The following PLXNA2 variants were observed in gnomAD, a reference collection of about 807,000 sequenced individuals.
PLXNA2 encodes plexin A2.
Under a neutral mutation model 193.5 loss-of-function variants are expected in PLXNA2, and 91 were observed. The ratio of observed to expected loss-of-function variants is 0.47; its 90% CI spans 0.40 to 0.56. PLXNA2 has a LOEUF of 0.56. PLXNA2 is among the 20% of genes least tolerant of loss of function. The pLI is 0.00. For synonymous variants in PLXNA2, 997 were observed against 1,027.3 expected (o/e 0.97, Z 0.56); for missense variants, 1,995 against 2,503.2 (o/e 0.80, Z 4.33).
intron 9 of PLXNA2, among the ~76,000 whole-genome samples, chr1:208,085,304 C>T (rs548362000): frequency 1.3e-5 from 2 of 152,326 alleles, no homozygotes; most frequent in Admixed American, 6.5e-5. Flanking sequence ...CCAATCTCCT[C>T]TTTCTCCTTC....
intron 3 of PLXNA2, among the ~76,000 whole-genome samples, chr1:208,157,389 C>T (rs1352597247): frequency 1.3e-5 from 2 of 152,186 alleles, no homozygotes; most frequent in Non-Finnish European, 2.9e-5. Flanking sequence ...GATATGAATA[C>T]ACACAAATAA....
chr1:208,194,297 C>A (rs1245803048), intron 3 of PLXNA2, among the ~76,000 whole-genome samples: 5 of 151,712 alleles, frequency 3.3e-5, no homozygotes, highest in Admixed American at 2.6e-4. Context: ...GGGAAAGGGC[C>A]GAATGAAAAT....
At chr1:208,092,314 C>A (rs1347884433) in intron 9 of PLXNA2, among the ~76,000 whole-genome samples, 1 of 152,172 alleles carries the variant, frequency 6.6e-6, no homozygotes, top group African/African-American at 2.4e-5. Flanking sequence ...AGGCCACCCA[C>A]CCAGTTATAC....
intron 12 of PLXNA2, among the ~76,000 whole-genome samples, 184 bp downstream of exon 12, chr1:208,079,076 A>G (rs906254245): frequency 1.3e-5 from 2 of 152,006 alleles, no homozygotes; most frequent in African/African-American, 4.8e-5. Context: ...GCTTCCATAC[A>G]CTTACCTCTT....
intron 3 of PLXNA2, among the ~76,000 whole-genome samples, chr1:208,187,930 T>G (rs1185372925): frequency 6.6e-6 from 1 of 152,190 alleles, no homozygotes; most frequent in Admixed American, 6.5e-5. Flanking sequence ...AAGGAGGAAC[T>G]GAAATGATCA....
chr1:208,187,356 G>T (rs1443122090), intron 3 of PLXNA2, among the ~76,000 whole-genome samples: 2 of 152,152 alleles, frequency 1.3e-5, no homozygotes, highest in Admixed American at 6.6e-5. Flanking sequence ...AGAGAAAGAT[G>T]GTTTTTGTTA....
intron 11 of PLXNA2, among the ~76,000 whole-genome samples, chr1:208,080,317 C>T (rs986425445): frequency 6.6e-6 from 1 of 152,046 alleles, no homozygotes; most frequent in Non-Finnish European, 1.5e-5. Flanking sequence ...TGTGCAAACC[C>T]TTTGTCTTTT....
chr1:208,183,331 C>T (rs1669901737), intron 3 of PLXNA2, among the ~76,000 whole-genome samples: 1 of 152,200 alleles, frequency 6.6e-6, no homozygotes, highest in South Asian at 2.1e-4. Flanking sequence ...CATTTCATTT[C>T]ACCCTCACTC....
intron 17 of PLXNA2, among the ~76,000 whole-genome samples, chr1:208,049,036 C>T (rs1665167090): frequency 6.6e-6 from 1 of 152,206 alleles, no homozygotes; most frequent in Non-Finnish European, 1.5e-5. Flanking sequence ...GCCCCAGAGC[C>T]TGCTAAAATG....
Position 208,025,077 on chromosome 1 carries a change from C to T in PLXNA2, c.*2166G>A, listed in dbSNP as rs924619636. The T allele has an allele frequency of 6.6e-6, 1 of 152,616 alleles. No homozygotes were observed. Among genetic ancestry groups the T allele is most frequent in the Non-Finnish European group, 1.5e-5 (1 of 68,034 alleles). The allele number at this position is 152,616 out of a possible 1,614,324, so 9.5% of individuals were successfully genotyped here. On this transcript the variant is annotated 3_prime_UTR_variant, in exon 32 of 32. Coordinates refer to ENST00000367033, the MANE Select transcript of PLXNA2 (RefSeq NM_025179.4). Reference sequence around the variant, plus strand: ...GAGAAACTTTAAAGAAGTGGATTTTCAAAAGAAAGTGGCCTTGGCATGGCT... The same window carrying T: ...GAGAAACTTTAAAGAAGTGGATTTTTAAAAGAAAGTGGCCTTGGCATGGCT...
rs1250764109 is a variant in PLXNA2 at position 208,024,633 on chromosome 1, T to C, written c.*2610A>G. ...CCAATTGGCCATTGCCCCATCATTC[T>C]CCACGCTCTCCACAAACCTTCAAGG... On this transcript the variant is annotated 3_prime_UTR_variant, in exon 32 of 32. Coordinates refer to ENST00000367033, the MANE Select transcript of PLXNA2 (RefSeq NM_025179.4). 1 of 152,328 alleles carries C rather than the reference T, an allele frequency of 6.6e-6. No homozygotes were observed. The highest frequency in any genetic ancestry group is 1.9e-4 in the East Asian group (1 of 5,192). 9.4% of individuals were successfully genotyped at this position (152,328 alleles called of 1,614,324 possible).
At chr1:208,144,565 A>C (rs1017251621) in intron 3 of PLXNA2, among the ~76,000 whole-genome samples, 4 of 152,144 alleles carry the variant, frequency 2.6e-5, no homozygotes, top group Admixed American at 6.5e-5. Flanking sequence ...TGAAAATGGT[A>C]GGTCAGGGTC....
At chr1:208,202,140 C>T (rs956050970) in intron 3 of PLXNA2, among the ~76,000 whole-genome samples, 1 of 151,864 alleles carries the variant, frequency 6.6e-6, no homozygotes, top group Non-Finnish European at 1.5e-5. Context: ...CCGCCATGCC[C>T]GGCTAATTTT....
At chr1:208,131,530 C>T (rs907981625) in intron 4 of PLXNA2, among the ~76,000 whole-genome samples, 2 of 152,144 alleles carry the variant, frequency 1.3e-5, no homozygotes, top group African/African-American at 2.4e-5. Context: ...GGCTGCAGAG[C>T]TCTGGGGTGT....
At chr1:208,052,836 C>A (rs143760221) in intron 14 of PLXNA2, among the ~76,000 whole-genome samples, 1 of 151,980 alleles carries the variant, frequency 6.6e-6, no homozygotes, top group African/African-American at 2.4e-5. Flanking sequence ...GGCACAAAAT[C>A]GATAGGGCTG....
intron 3 of PLXNA2, among the ~76,000 whole-genome samples, chr1:208,186,475 T>C (rs929697949): frequency 3.9e-5 from 6 of 152,186 alleles, no homozygotes; most frequent in Non-Finnish European, 5.9e-5. Flanking sequence ...TCCCATAGCC[T>C]TTCTTGTTTT....
chr1:208,038,145 G>A lies in PLXNA2; in HGVS notation c.4764+226C>T, dbSNP rs1231683736. On this transcript the variant is annotated intron_variant, in intron 26 of 31. Coordinates refer to ENST00000367033, the MANE Select transcript of PLXNA2 (RefSeq NM_025179.4). This position sits in a 1 kb window ranked among gnomAD's most constrained non-coding sequence, Gnocchi z 4.1. The stretch of plus-strand genomic sequence containing the variant: ...AATGCCTAGGCCTTACCCCAGACCT[G>A]TTAAATCTGTTTCTGAGGGTGGAGT... 6.6e-6 allele frequency among the ~76,000 whole-genome samples: 1 copy of A among 152,170 alleles called. No individual in the cohort carries two copies. The highest frequency in any genetic ancestry group is 1.5e-5 in the Non-Finnish European group (1 of 68,030).
chr1:208,093,260 A>G (rs1024807952), intron 8 of PLXNA2, among the ~76,000 whole-genome samples: 8 of 152,218 alleles, frequency 5.3e-5, no homozygotes, highest in Admixed American at 1.3e-4. Flanking sequence ...AGAATTTGGC[A>G]ATGCTGCAAA....
intron 1 of PLXNA2, among the ~76,000 whole-genome samples, chr1:208,229,201 C>T (rs1671609655): frequency 6.6e-6 from 1 of 152,132 alleles, no homozygotes; most frequent in African/African-American, 2.4e-5. Flanking sequence ...TTTTAATTGA[C>T]TTTGGAGGAG....
Sources: gnomAD v4.1 joint callset for allele counts (sites outside exome capture counted in the v4.1 genomes callset) on GRCh38, gnomAD v4.1.1 for gene constraint, Gnocchi (gnomAD v3.1) non-coding constraint, MANE v1.5 for transcripts, NCBI Gene and HGNC (gene_info 2026-07-23, HGNC 2026-07-21) for gene names.